Variants in PLEKHG4 observed in about 807,000 individuals in gnomAD.
PLEKHG4 encodes the protein puratrophin-1.
A neutral mutation model predicts 136.9 loss-of-function variants in PLEKHG4; 85 were observed. The observed-to-expected ratio is 0.62, with a 90% CI of 0.52 to 0.74. PLEKHG4 has a LOEUF of 0.74. Among genes scored for constraint, PLEKHG4 ranks in the 30% least tolerant of loss-of-function variants. The pLI is 0.00. For synonymous variants in PLEKHG4, 577 were observed against 646.9 expected (o/e 0.89, Z 1.64); for missense variants, 1,317 against 1,527.8 (o/e 0.86, Z 2.30).
rs2036203619 is a variant in PLEKHG4 at position 67,281,197 on chromosome 16, T to C, written c.813+13T>C. On this transcript the variant is annotated intron_variant, in intron 5 of 21. Transcript: ENST00000379344. ...CAGCCAACTACAAGTGAGTACAGGA[T>C]TGTAGCTCCCCTCATTCCTTTTCTT... 2.6e-6 allele frequency: 4 copies of C among 1,562,776 alleles called. No individual in the cohort carries two copies. In the East Asian group the frequency reaches 6.7e-5, roughly 26 times the overall value.
rs777000467 is a variant in PLEKHG4 at position 67,285,401 on chromosome 16, G to C, written c.2307G>C (p.Gln769His). The C allele has an allele frequency of 3.3e-5, 54 of 1,614,122 alleles. No individual in the cohort carries two copies. In the South Asian group the frequency reaches 4.6e-4, roughly 14 times the overall value. Reference sequence around the variant, plus strand: ...AGCTGGATCGCCCCGATGTGCCCCAGGGCCTCCGCGGTCAGCGTGCCCACC... The same window carrying C: ...AGCTGGATCGCCCCGATGTGCCCCACGGCCTCCGCGGTCAGCGTGCCCACC... ...FPELDRPDVP[Q>H]GLRGQRAHLF... The change falls in exon 14 of 22, where the codon CAG (glutamine) becomes CAC (histidine). Residue 769 changes from glutamine (Q) to histidine (H), a missense_variant. By Grantham distance (24) the Gln-to-His change is conservative. Transcript: ENST00000379344.
chr16:67,287,187 T>C lies in PLEKHG4; in HGVS notation c.3103+10T>C. ...GCCGTCCACAACAAGGGTGGGTCCATGCCCCTCCTTCACGCCACACTCCCC... is the reference window on the plus strand; with the variant it reads ...GCCGTCCACAACAAGGGTGGGTCCACGCCCCTCCTTCACGCCACACTCCCC... On this transcript the variant is annotated intron_variant, in intron 18 of 21. Transcript: ENST00000379344. 1 of 1,604,184 alleles carries C rather than the reference T, an allele frequency of 6.2e-7. No individual in the cohort carries two copies.
At position 67,281,564 on chromosome 16, in the gene PLEKHG4, C is replaced by A. The variant is rs1324421278; in HGVS notation, c.814-3C>A. Reference sequence around the variant, plus strand: ...GATAGTGCTGAGCTCAGGTTCCTTGCAGGAAGCAGCCCCAGGGGCCGTGTA... The same window carrying A: ...GATAGTGCTGAGCTCAGGTTCCTTGAAGGAAGCAGCCCCAGGGGCCGTGTA... On this transcript the variant is annotated splice_polypyrimidine_tract_variant and splice_region_variant and intron_variant, in intron 5 of 21. Coordinates refer to ENST00000379344, the MANE Select transcript of PLEKHG4 (RefSeq NM_001129729.3). 1.2e-6 allele frequency: 2 copies of A among 1,612,734 alleles called. No homozygotes were observed. Among genetic ancestry groups the A allele is most frequent in the Non-Finnish European group, 1.7e-6 (2 of 1,179,218 alleles).
chr16:67,281,073 T>A lies in PLEKHG4; in HGVS notation c.720-18T>A. 1 of 1,613,948 alleles carries A rather than the reference T, an allele frequency of 6.2e-7. No homozygotes were observed. The highest frequency in any genetic ancestry group is 8.5e-7 in the Non-Finnish European group (1 of 1,179,830). ...GAGGACTGGGAGTCAGGTACTGAAC[T>A]GAAGCTCACCCCTTTAGGCCCGAAG... is the stretch of plus-strand genomic sequence containing the variant. On this transcript the variant is annotated intron_variant, in intron 4 of 21. Coordinates refer to ENST00000379344, the MANE Select transcript of PLEKHG4 (RefSeq NM_001129729.3).
rs144146831 is a variant in PLEKHG4, at chr16:67,280,203, C to T, written c.159C>T (p.Ala53=). The change falls in exon 2 of 22, where the codon GCC becomes GCT. Residue 53 remains alanine (A), a synonymous_variant. Transcript: ENST00000379344. The surrounding 1 kb of genome is among the most constrained non-coding windows in gnomAD (Gnocchi z 4.4). ...VKDPGPPRPP[A]GATQDEELQG... ...ACCCAGGTCCTCCAAGACCACCAGC[C>T]GGGGCCACCCAGGATGAGGAGCTAC... 6.2e-6 allele frequency: 10 copies of T among 1,613,710 alleles called. No individual in the cohort carries two copies. The highest frequency in any genetic ancestry group is 5.3e-5 in the African/African-American group (4 of 74,922).
Position 67,284,547 on chromosome 16 carries a change from A to G in PLEKHG4, c.1692+90A>G. The G allele has an allele frequency of 1.3e-6, 2 of 1,505,070 alleles. No individual in the cohort carries two copies. Among genetic ancestry groups the G allele is most frequent in the South Asian group, 1.2e-5 (1 of 86,684 alleles). The allele number at this position is 1,505,070 out of a possible 1,614,324, so 93.2% of individuals were successfully genotyped here. A position where few individuals can be genotyped will look rare whatever the true frequency, so the allele number is the denominator to read the frequency against. On this transcript the variant is annotated intron_variant, in intron 12 of 21. Coordinates refer to ENST00000379344, the MANE Select transcript of PLEKHG4 (RefSeq NM_001129729.3). This position sits in a 1 kb window ranked among gnomAD's most constrained non-coding sequence, Gnocchi z 4.4. ...AGCAGAGCCTGAGCTTTTCTTGGTC[A>G]TGCTGCCTGTTCTCTTCCCTGGTCT...
Position 67,286,523 on chromosome 16 carries a change from G to A in PLEKHG4, c.2611G>A (p.Ala871Thr), listed in dbSNP as rs781358783. The change falls in exon 16 of 22, where the codon GCA becomes ACA. Residue 871 changes from alanine to threonine, a missense_variant. Coordinates refer to ENST00000379344, the MANE Select transcript of PLEKHG4 (RefSeq NM_001129729.3). ...GCCCATCCAGCGCATGGGCAAGTAC[G>A]CACTGCTGCTGCAGGAGCTGGCACG... ...LKPIQRMGKY[A>T]LLLQELARAC... The A allele has an allele frequency of 5.0e-6, 8 of 1,586,594 alleles. No individual in the cohort carries two copies. Among genetic ancestry groups the A allele is most frequent in the Non-Finnish European group, 6.9e-6 (8 of 1,165,098 alleles).
chr16:67,281,034 C>CCCG (rs778302356), intron 4 of PLEKHG4, 29 bp downstream of exon 4: 1 of 1,613,978 alleles, frequency 6.2e-7, no homozygotes. Flanking sequence ...GGAGACTGAG[C>CCCG]CTGAGCCAGC....
chr16:67,282,041 A>G lies in PLEKHG4; in HGVS notation c.1038A>G (p.Ala346=). 3 of 1,613,498 alleles carry G rather than the reference A, an allele frequency of 1.9e-6. No individual in the cohort carries two copies. Among genetic ancestry groups the G allele is most frequent in the Non-Finnish European group, 2.5e-6 (3 of 1,180,004 alleles). Residue 346 remains alanine, a synonymous_variant, in exon 8 of 22, where the codon GCA becomes GCG. Coordinates refer to ENST00000379344, the MANE Select transcript of PLEKHG4 (RefSeq NM_001129729.3). ...RLEALLQNCQ[A]ACALLQGAIE... ...AAGCTCTACTACAGAACTGCCAGGC[A>G]GCTTGTGCCCTGCTCCAGGGGGCCA...
At chr16:67,278,026 C>G (rs1227811875), upstream of PLEKHG4, 1 of 152,298 alleles carries the variant, frequency 6.6e-6, no homozygotes, top group Non-Finnish European at 1.5e-5. Flanking sequence ...CAGGTCCCCC[C>G]CGGCTCTTAG....
chr16:67,285,600 A>AC, intron 14 of PLEKHG4, 64 bp downstream of exon 14: 1 of 1,584,414 alleles, frequency 6.3e-7, no homozygotes, highest in Non-Finnish European at 8.6e-7. Flanking sequence ...GCTGCTGGGC[A>AC]CATGCTTGGT....
intron 19 of PLEKHG4, 58 bp downstream of exon 19, chr16:67,288,072 T>C (rs1343584539): frequency 2.0e-6 from 3 of 1,528,084 alleles, no homozygotes; most frequent in Non-Finnish European, 2.7e-6. Context: ...CGGGAAGCAC[T>C]GTGGCCCTCC....
intron 20 of PLEKHG4, 38 bp downstream of exon 20, chr16:67,288,438 T>A: frequency 6.2e-7 from 1 of 1,613,548 alleles, no homozygotes; most frequent in Non-Finnish European, 8.5e-7. Context: ...AGGGCATGGC[T>A]TGGGGTCTGG....
intron 19 of PLEKHG4, 28 bp from the exon 20 acceptor site, chr16:67,288,139 T>TCCCAACCTGA: frequency 6.3e-7 from 1 of 1,598,308 alleles, no homozygotes; most frequent in Non-Finnish European, 8.6e-7. Context: ...CTCTGGCCTG[T>TCCCAACCTGA]CCCAACCTGA....
chr16:67,287,816 A>G, intron 18 of PLEKHG4, 82 bp from the exon 19 acceptor site: 1 of 900,098 alleles, frequency 1.1e-6, no homozygotes, highest in South Asian at 1.3e-5. Flanking sequence ...GGTGTACAGG[A>G]AAGACTTATC....
In PLEKHG4 at chr16:67,288,201, G is replaced by A. The variant is rs781091450; in HGVS notation, c.3255G>A (p.Pro1085=). ...CTCGGGCGTCCATTGCCGTAGCCCC[G>A]TTTGACCATGACAGCCTCTACCTGG... is the stretch of plus-strand genomic sequence containing the variant. ...VRSRASIAVA[P]FDHDSLYLGA... is the part of the protein sequence containing the mutation. The change falls in exon 20 of 22, where the codon CCG becomes CCA. Residue 1085 remains proline, a synonymous_variant. Coordinates refer to ENST00000379344, the MANE Select transcript of PLEKHG4 (RefSeq NM_001129729.3). 23 of 1,613,912 alleles carry A rather than the reference G, an allele frequency of 1.4e-5. 1 individual carries two copies. Among genetic ancestry groups the A allele is most frequent in the Middle Eastern group, 1.6e-4 (1 of 6,084 alleles).
chr16:67,285,311 G>C lies in PLEKHG4; in HGVS notation c.2217G>C (p.Glu739Asp). 1 of 1,614,184 alleles carries C rather than the reference G, an allele frequency of 6.2e-7. No individual in the cohort carries two copies. Among genetic ancestry groups the C allele is most frequent in the South Asian group, 1.1e-5 (1 of 91,086 alleles). ...GTAGGCTACAGCTGGTGCTGGCAGA[G>C]ATGGTGGCCACGGAGCGGGAGTATG... Reference protein sequence around the residue: ...SLNRLQLVLAEMVATEREYVR... With the variant: ...SLNRLQLVLADMVATEREYVR... Residue 739 changes from glutamate (E) to aspartate (D), a missense_variant, in exon 14 of 22, where the codon GAG becomes GAC. Transcript: ENST00000379344.
In PLEKHG4 at chr16:67,282,243, C is replaced by T. The variant is rs1232928641; in HGVS notation, c.1147C>T (p.Gln383Ter). 3.1e-6 allele frequency: 5 copies of T among 1,613,434 alleles called. No individual in the cohort carries two copies. In the African/African-American group the frequency reaches 5.3e-5, roughly 17 times the overall value. Residue 383 changes from glutamine to a stop codon, truncating the protein, a stop_gained, in exon 9 of 22, where the codon CAG (glutamine) becomes TAG (stop). Coordinates refer to ENST00000379344, the MANE Select transcript of PLEKHG4 (RefSeq NM_001129729.3). LOFTEE classifies it high-confidence loss of function. Reference protein sequence around the residue: ...LLQQTEVLMQQVLDSPWLAWL... With the variant: ...LLQQTEVLMQ ...ACAGCAGACAGAGGTCCTGATGCAGCAGGTGCTAGACTCGCCATGGCTGGC... is the reference window on the plus strand; with the variant it reads ...ACAGCAGACAGAGGTCCTGATGCAGTAGGTGCTAGACTCGCCATGGCTGGC...
chr16:67,289,067 T>C lies in PLEKHG4; in HGVS notation c.*259T>C, dbSNP rs2036625603. 1 of 604,374 alleles carries C rather than the reference T, an allele frequency of 1.7e-6. No homozygotes were observed. Among genetic ancestry groups the C allele is most frequent in the African/African-American group, 1.8e-5 (1 of 54,504 alleles). 37.4% of individuals were successfully genotyped at this position (604,374 alleles called of 1,614,324 possible). ...TCCTGTCCCCAGCTCCCATCCCAGT[T>C]GTGGGTTAAGAATAGGCTAGAGCAG... is the stretch of plus-strand genomic sequence containing the variant. On this transcript the variant is annotated 3_prime_UTR_variant, in exon 22 of 22. Transcript: ENST00000379344.
Sources: allele counts gnomAD v4.1 joint callset, GRCh38; gene constraint gnomAD v4.1.1; non-coding constraint Gnocchi (gnomAD v3.1); transcripts MANE v1.5; gene names NCBI Gene and HGNC (gene_info 2026-07-23, HGNC 2026-07-21).